IL1RAPL1: variants seen among roughly 807,000 people sequenced by gnomAD.
The protein encoded by IL1RAPL1 is interleukin-1 receptor accessory protein-like 1.
IL1RAPL1 carries 3 observed loss-of-function variants against 48.4 expected under a neutral mutation model. The ratio of observed to expected loss-of-function variants is 0.06; its 90% CI spans 0.03 to 0.16. The LOEUF (loss-of-function observed/expected upper bound fraction) is 0.16. IL1RAPL1 is among the 10% of genes least tolerant of loss of function. The pLI is 1.00. For missense variants in IL1RAPL1, 349 were observed against 530.6 expected (o/e 0.66, Z 3.36); for synonymous variants, 185 against 187.7 (o/e 0.99, Z 0.12).
chrX:29,321,687 T>G (rs1932805020), intron 3 of IL1RAPL1, among the ~76,000 whole-genome samples: 1 of 111,763 alleles, frequency 8.9e-6, no homozygotes, highest in African/African-American at 3.3e-5. Context: ...AGTGATAAAT[T>G]GAGACAAATA....
At chrX:29,283,510 AT>A (rs1205660273) in intron 3 of IL1RAPL1, among the ~76,000 whole-genome samples, 1 of 112,582 alleles carries the variant, frequency 8.9e-6, no homozygotes, top group Non-Finnish European at 1.9e-5. Flanking sequence ...TGCAAATAAA[AT>A]GTAAGCAAAG....
At chrX:29,602,441 A>C (rs1249587002) in intron 5 of IL1RAPL1, among the ~76,000 whole-genome samples, 1 of 112,170 alleles carries the variant, frequency 8.9e-6, no homozygotes, top group Non-Finnish European at 1.9e-5. Context: ...AAAATACAAA[A>C]ATAAAAATAA....
At chrX:29,455,132 G>A (rs1569315027) in intron 5 of IL1RAPL1, among the ~76,000 whole-genome samples, 1 of 111,331 alleles carries the variant, frequency 9.0e-6, no homozygotes, top group Non-Finnish European at 1.9e-5. Flanking sequence ...TAATACCTAG[G>A]TGATCAGTTG....
chrX:28,606,158 T>G (rs780611683), intron 1 of IL1RAPL1, among the ~76,000 whole-genome samples: 3 of 112,247 alleles, frequency 2.7e-5, no homozygotes, highest in African/African-American at 9.7e-5. Flanking sequence ...GTCCTTTTAG[T>G]TCACTGAAGT....
At chrX:29,812,224 G>A (rs73221604) in intron 6 of IL1RAPL1, among the ~76,000 whole-genome samples, 2,031 of 112,110 alleles carry the variant, frequency 0.018, 39 homozygotes, top group Admixed American at 0.07. Flanking sequence ...ATAAAGATTC[G>A]AAGAGAATGA....
chrX:29,767,915 A>C (rs1013893002), intron 6 of IL1RAPL1, among the ~76,000 whole-genome samples: 1 of 111,032 alleles, frequency 9.0e-6, no homozygotes, highest in African/African-American at 3.3e-5. Context: ...AAATGTGACA[A>C]ATCTCTGTGC....
chrX:28,823,076 C>A (rs1411405011), intron 2 of IL1RAPL1, among the ~76,000 whole-genome samples: 2 of 111,452 alleles, frequency 1.8e-5, no homozygotes, highest in Non-Finnish European at 3.8e-5. Flanking sequence ...GTTTCATTTT[C>A]TTCAACCCAT....
intron 5 of IL1RAPL1, among the ~76,000 whole-genome samples, chrX:29,446,129 A>C (rs1934609265): frequency 8.9e-6 from 1 of 111,825 alleles, no homozygotes; most frequent in South Asian, 3.7e-4. Flanking sequence ...AACGGTTCTC[A>C]AGACTTTTTG....
intron 2 of IL1RAPL1, among the ~76,000 whole-genome samples, chrX:29,085,551 T>C (rs111531462): frequency 1.4e-4 from 16 of 112,205 alleles, no homozygotes; most frequent in African/African-American, 5.2e-4. Flanking sequence ...TTGCCCAAGA[T>C]CACATAGTAA....
At chrX:29,103,127 A>G (rs1448666157) in intron 2 of IL1RAPL1, among the ~76,000 whole-genome samples, 2 of 112,004 alleles carry the variant, frequency 1.8e-5, no homozygotes, top group Admixed American at 9.5e-5. Flanking sequence ...AAGCAATCCA[A>G]GAATTTATAT....
At chrX:29,365,003 T>A (rs1241911510) in intron 3 of IL1RAPL1, among the ~76,000 whole-genome samples, 2 of 112,333 alleles carry the variant, frequency 1.8e-5, no homozygotes, top group African/African-American at 6.5e-5. Context: ...CAATCTACGT[T>A]GAAGAAAATA....
At chrX:29,679,975 AC>A (rs1390488455) in intron 6 of IL1RAPL1, among the ~76,000 whole-genome samples, 1 of 112,146 alleles carries the variant, frequency 8.9e-6, no homozygotes, top group Non-Finnish European at 1.9e-5. Flanking sequence ...GGCAATATAT[AC>A]ATAATTTAGA....
intron 5 of IL1RAPL1, among the ~76,000 whole-genome samples, chrX:29,415,351 A>G (rs1277873989): frequency 2.7e-5 from 3 of 111,958 alleles, no homozygotes; most frequent in Non-Finnish European, 5.6e-5. Context: ...ATGTGTGTAT[A>G]CATAGATCTA....
At chrX:29,549,282 C>G (rs1364151246) in intron 5 of IL1RAPL1, among the ~76,000 whole-genome samples, 2 of 111,549 alleles carry the variant, frequency 1.8e-5, no homozygotes, top group East Asian at 5.6e-4. Context: ...ATCTCTCTGT[C>G]TAGTCACCAT....
rs142676360 is a variant in IL1RAPL1, at chrX:29,021,331, G to A, written c.82+231906G>A. Among the ~76,000 whole-genome samples, 576 of 107,649 alleles carry A rather than the reference G, an allele frequency of 5.4e-3. 4 individuals are homozygous for A. Among genetic ancestry groups the A allele is most frequent in the African/African-American group, 0.019 (557 of 29,771 alleles). 93.5% of individuals were successfully genotyped at this position (107,649 alleles called of 115,157 possible). A position where few individuals can be genotyped will look rare whatever the true frequency, so the allele number is the denominator to read the frequency against. ...CATTTATAGGAGGTTAAATTCATGT[G>A]TCATTTTTTAGTAGAATTTACTGAT... On this transcript the variant is annotated intron_variant, in intron 2 of 10. Coordinates refer to ENST00000378993, the MANE Select transcript of IL1RAPL1 (RefSeq NM_014271.4).
intron 6 of IL1RAPL1, among the ~76,000 whole-genome samples, chrX:29,890,543 G>A (rs1487838026): frequency 8.9e-6 from 1 of 111,875 alleles, no homozygotes; most frequent in Non-Finnish European, 1.9e-5. Flanking sequence ...AATTCATTCT[G>A]CCCAAGGAAA....
intron 6 of IL1RAPL1, among the ~76,000 whole-genome samples, chrX:29,781,445 T>G (rs1929333795): frequency 8.9e-6 from 1 of 112,170 alleles, no homozygotes; most frequent in African/African-American, 3.2e-5. Flanking sequence ...TCTGCCTTTG[T>G]GCCTGAATAA....
At chrX:29,744,016 G>T (rs1321014523) in intron 6 of IL1RAPL1, among the ~76,000 whole-genome samples, 1 of 111,605 alleles carries the variant, frequency 9.0e-6, no homozygotes, top group Non-Finnish European at 1.9e-5. Context: ...CACAGACGTT[G>T]CATACATTCT....
At chrX:29,866,031 A>C (rs1931689107) in intron 6 of IL1RAPL1, among the ~76,000 whole-genome samples, 1 of 110,890 alleles carries the variant, frequency 9.0e-6, no homozygotes, top group Admixed American at 9.7e-5. Context: ...AATGACCCTG[A>C]TCTATAGGAA....
Sources: allele counts gnomAD v4.1 joint callset (sites outside exome capture counted in the v4.1 genomes callset), GRCh38; gene constraint gnomAD v4.1.1; transcripts MANE v1.5; gene names NCBI Gene and HGNC (gene_info 2026-07-23, HGNC 2026-07-21).